Variants in PTPRD observed in about 807,000 individuals in gnomAD.
PTPRD encodes the protein protein tyrosine phosphatase receptor type D.
Under a neutral mutation model 214.5 loss-of-function variants are expected in PTPRD, and 34 were observed. The observed-to-expected ratio is 0.16, with a 90% CI of 0.12 to 0.21. The LOEUF (loss-of-function observed/expected upper bound fraction) is 0.21. Among genes scored for constraint, PTPRD ranks in the 10% least tolerant of loss-of-function variants. PTPRD has a pLI of 1.00. For missense variants in PTPRD, 2,545 were observed against 2,398.7 expected (o/e 1.06, Z -1.27); for synonymous variants, 1,128 against 845.7 (o/e 1.33, Z -5.79).
intron 3 of PTPRD, among the ~76,000 whole-genome samples, chr9:10,241,683 C>T (rs1254099840): frequency 6.6e-6 from 1 of 151,746 alleles, no homozygotes; most frequent in East Asian, 1.9e-4. Flanking sequence ...TTCCTGAAAA[C>T]CAGGGTTGGT....
intron 26 of PTPRD, among the ~76,000 whole-genome samples, chr9:8,494,787 G>C (rs1481013971): frequency 1.3e-5 from 2 of 152,118 alleles, no homozygotes; most frequent in East Asian, 3.9e-4. Flanking sequence ...ATCTCGGCTG[G>C]ACACACCTCC....
intron 3 of PTPRD, among the ~76,000 whole-genome samples, chr9:10,250,280 A>T (rs10958975): frequency 6.6e-6 from 1 of 152,152 alleles, no homozygotes. Context: ...AATGAAATAT[A>T]TGCCATGTAT....
At chr9:9,138,461 T>C (rs1592248893) in intron 10 of PTPRD, among the ~76,000 whole-genome samples, 1 of 152,336 alleles carries the variant, frequency 6.6e-6, no homozygotes, top group South Asian at 2.1e-4. Context: ...ACTTTTAGAA[T>C]AGCTCTACCA....
chr9:8,578,133 C>G (rs1306161427), intron 14 of PTPRD, among the ~76,000 whole-genome samples: 1 of 152,182 alleles, frequency 6.6e-6, no homozygotes, highest in Non-Finnish European at 1.5e-5. Context: ...ATAGGATACA[C>G]ACTTGAAATG....
chr9:9,081,566 C>T (rs1009172716), intron 10 of PTPRD, among the ~76,000 whole-genome samples: 11 of 152,136 alleles, frequency 7.2e-5, no homozygotes, highest in Middle Eastern at 6.8e-3. Flanking sequence ...TTTTCTGTCT[C>T]GTTGATCTAT....
chr9:9,295,075 A>C (rs2134316145), intron 9 of PTPRD, among the ~76,000 whole-genome samples: 1 of 151,906 alleles, frequency 6.6e-6, no homozygotes, highest in African/African-American at 2.4e-5. Context: ...ACAGTGTTCA[A>C]ACTTTCAAAT....
At chr9:10,521,510 G>A (rs1468165624) in intron 2 of PTPRD, among the ~76,000 whole-genome samples, 2 of 152,172 alleles carry the variant, frequency 1.3e-5, no homozygotes, top group African/African-American at 2.4e-5. Flanking sequence ...CAGGATTTGA[G>A]AGGATTGTCT....
At chr9:9,903,944 G>A (rs1200338539) in intron 5 of PTPRD, among the ~76,000 whole-genome samples, 1 of 152,060 alleles carries the variant, frequency 6.6e-6, no homozygotes. Flanking sequence ...ACAACCTACA[G>A]ACAGTAATAG....
intron 36 of PTPRD, among the ~76,000 whole-genome samples, chr9:8,401,851 A>G (rs1033434691): frequency 3.9e-5 from 6 of 152,220 alleles, no homozygotes; most frequent in Admixed American, 3.9e-4. Context: ...CCCAAATTAA[A>G]ACTCTCAACC....
chr9:9,302,204 T>A (rs1955563699), intron 9 of PTPRD, among the ~76,000 whole-genome samples: 1 of 151,926 alleles, frequency 6.6e-6, no homozygotes, highest in Admixed American at 6.6e-5. Context: ...TTTTTTAAAT[T>A]GCTTTTTTTC....
intron 3 of PTPRD, among the ~76,000 whole-genome samples, chr9:10,099,630 G>A (rs2098531372): frequency 1.3e-5 from 2 of 151,566 alleles, no homozygotes; most frequent in South Asian, 2.1e-4. Flanking sequence ...ACTTGAAAAG[G>A]CCATCCTAAG....
chr9:8,437,337 T>G, intron 34 of PTPRD: 1 of 963,396 alleles, frequency 1.0e-6, no homozygotes, highest in Middle Eastern at 3.1e-4. Context: ...AAGGACTAAT[T>G]AAAATGCTGC....
At chr9:8,459,465 T>C (rs754429242) in intron 33 of PTPRD, among the ~76,000 whole-genome samples, 1 of 152,070 alleles carries the variant, frequency 6.6e-6, no homozygotes, top group Non-Finnish European at 1.5e-5. Flanking sequence ...ATTTTGAATT[T>C]AGTCATTTTA....
rs536844979 is a variant in PTPRD, at chr9:10,541,108, A to C, written c.-600+71290T>G. Among the ~76,000 whole-genome samples the C allele has an allele frequency of 2.4e-4, 36 of 152,328 alleles. No individual in the cohort carries two copies. In the South Asian group the frequency reaches 5.4e-3, roughly 23 times the overall value. ...TATTTTCCATATGCTTCCTTTATTT[A>C]TCTGCTTTATGGCATAAAACAGGAC... On this transcript the variant is annotated intron_variant, in intron 2 of 45. Coordinates refer to ENST00000381196, the MANE Select transcript of PTPRD (RefSeq NM_002839.4).
At chr9:10,140,141 T>A (rs1235378913) in intron 3 of PTPRD, among the ~76,000 whole-genome samples, 1 of 151,966 alleles carries the variant, frequency 6.6e-6, no homozygotes, top group African/African-American at 2.4e-5. Flanking sequence ...ACAAACCATC[T>A]GCAGAATGGG....
At chr9:8,710,788 T>C (rs2098316944) in intron 12 of PTPRD, among the ~76,000 whole-genome samples, 6 of 152,090 alleles carry the variant, frequency 3.9e-5, no homozygotes, top group Admixed American at 3.9e-4. Flanking sequence ...TTAAAAAGAC[T>C]TTATTTCTGA....
At chr9:8,345,372 C>G (rs1173036058) in intron 39 of PTPRD, among the ~76,000 whole-genome samples, 1 of 152,088 alleles carries the variant, frequency 6.6e-6, no homozygotes, top group Non-Finnish European at 1.5e-5. Flanking sequence ...CTGTTCCCAG[C>G]ACCCCCAGTG....
At chr9:9,105,626 A>G (rs1250765333) in intron 10 of PTPRD, among the ~76,000 whole-genome samples, 1 of 152,200 alleles carries the variant, frequency 6.6e-6, no homozygotes, top group African/African-American at 2.4e-5. Flanking sequence ...GTACTTCATC[A>G]ACTAAGATCA....
chr9:10,118,113 G>C (rs888951372), intron 3 of PTPRD, among the ~76,000 whole-genome samples: 1 of 151,904 alleles, frequency 6.6e-6, no homozygotes, highest in African/African-American at 2.4e-5. Context: ...TCATCTACCT[G>C]TGAGGTTTGC....
Sources: gnomAD v4.1 joint callset for allele counts (sites outside exome capture counted in the v4.1 genomes callset) on GRCh38, gnomAD v4.1.1 for gene constraint, MANE v1.5 for transcripts, NCBI Gene and HGNC (gene_info 2026-07-23, HGNC 2026-07-21) for gene names.